Variants in HMGCLL1 observed in about 807,000 individuals in gnomAD.
HMGCLL1 encodes 3-hydroxymethyl-3-methylglutaryl-CoA lyase, cytoplasmic.
In HMGCLL1, 36 loss-of-function variants were observed where a neutral mutation model predicts 39.1. That is an observed-to-expected ratio of 0.92 (90% CI 0.71 to 1.22). HMGCLL1 has a LOEUF of 1.22. HMGCLL1 is among the 50% of genes most tolerant of loss of function. HMGCLL1 has a pLI of 0.00. For synonymous variants in HMGCLL1, 149 were observed against 144.0 expected (o/e 1.03, Z -0.25); for missense variants, 451 against 416.5 (o/e 1.08, Z -0.72).
the HMGCLL1 span, among the ~76,000 whole-genome samples, chr6:55,658,410 C>T: frequency 1.3e-5 from 2 of 152,036 alleles, no homozygotes; most frequent in Middle Eastern, 3.4e-3. Context: ...AAACAACATC[C>T]TCCACCCCCA....
At chr6:55,601,786 T>A in the HMGCLL1 span, among the ~76,000 whole-genome samples, 1 of 152,172 alleles carries the variant, frequency 6.6e-6, no homozygotes, top group South Asian at 2.1e-4. Flanking sequence ...AGCAAATTTC[T>A]TCACTGGTAT....
chr6:55,571,445 T>C (rs894858593), intron 1 of HMGCLL1, among the ~76,000 whole-genome samples: 15 of 152,162 alleles, frequency 9.9e-5, no homozygotes, highest in African/African-American at 3.6e-4. Flanking sequence ...ATAAACAGCC[T>C]TAAAAATAGG....
At chr6:55,460,941 A>T (rs1411727145) in intron 7 of HMGCLL1, among the ~76,000 whole-genome samples, 3 of 152,022 alleles carry the variant, frequency 2.0e-5, no homozygotes, top group Non-Finnish European at 4.4e-5. Flanking sequence ...TAAAGTAAGA[A>T]ATATCTAGGA....
intron 7 of HMGCLL1, among the ~76,000 whole-genome samples, chr6:55,475,868 T>C (rs186029468): frequency 2.6e-5 from 4 of 151,772 alleles, no homozygotes; most frequent in Non-Finnish European, 4.4e-5. Flanking sequence ...CACTGAAGTG[T>C]AGTGATGCTT....
chr6:55,587,801 CAAAG>C, the HMGCLL1 span, among the ~76,000 whole-genome samples: 1 of 152,054 alleles, frequency 6.6e-6, no homozygotes, highest in East Asian at 1.9e-4. Flanking sequence ...TCAAAAGAGA[CAAAG>C]AAGGCCATCA....
chr6:55,520,336 T>C (rs1196150202), intron 3 of HMGCLL1, among the ~76,000 whole-genome samples: 1 of 151,452 alleles, frequency 6.6e-6, no homozygotes, highest in African/African-American at 2.4e-5. Flanking sequence ...TCATGAAAAC[T>C]AAAAATTGAT....
At chr6:55,589,477 T>C in the HMGCLL1 span, among the ~76,000 whole-genome samples, 2 of 152,272 alleles carry the variant, frequency 1.3e-5, no homozygotes, top group South Asian at 2.1e-4. Context: ...AAGCATTCCC[T>C]TTGAAAACTG....
chr6:55,615,896 A>G, the HMGCLL1 span, among the ~76,000 whole-genome samples: 1 of 152,084 alleles, frequency 6.6e-6, no homozygotes, highest in African/African-American at 2.4e-5. Context: ...ATGAATACAG[A>G]AAGTTTAATA....
At chr6:55,588,426 G>T in the HMGCLL1 span, among the ~76,000 whole-genome samples, 10 of 151,834 alleles carry the variant, frequency 6.6e-5, no homozygotes, top group Non-Finnish European at 1.0e-4. Context: ...GAAACTTACA[G>T]CACTAAATGC....
chr6:55,651,214 C>T, the HMGCLL1 span, among the ~76,000 whole-genome samples: 2 of 152,118 alleles, frequency 1.3e-5, no homozygotes, highest in South Asian at 2.1e-4. Context: ...GTTTCACTGG[C>T]GGTAATTCAG....
the HMGCLL1 span, among the ~76,000 whole-genome samples, chr6:55,662,400 C>T: frequency 1.2e-4 from 18 of 151,506 alleles, no homozygotes; most frequent in South Asian, 1.7e-3. Flanking sequence ...AGAGGGCTGT[C>T]GAATTTCACT....
chr6:55,656,325 A>T, the HMGCLL1 span, among the ~76,000 whole-genome samples: 4 of 151,980 alleles, frequency 2.6e-5, no homozygotes, highest in Non-Finnish European at 5.9e-5. Context: ...ACTGCACTCT[A>T]AGAATTATAG....
At chr6:55,619,011 A>G in the HMGCLL1 span, among the ~76,000 whole-genome samples, 1 of 152,208 alleles carries the variant, frequency 6.6e-6, no homozygotes, top group Non-Finnish European at 1.5e-5. Context: ...ACAAGAAAAA[A>G]CAAAAGGAGG....
At chr6:55,598,698 T>C in the HMGCLL1 span, among the ~76,000 whole-genome samples, 1 of 152,202 alleles carries the variant, frequency 6.6e-6, no homozygotes, top group Non-Finnish European at 1.5e-5. Flanking sequence ...TCATTTATTG[T>C]TAGTTTTCAA....
intron 7 of HMGCLL1, among the ~76,000 whole-genome samples, chr6:55,484,394 C>T (rs1765902846): frequency 6.6e-6 from 1 of 152,016 alleles, no homozygotes; most frequent in African/African-American, 2.4e-5. Flanking sequence ...CTTGTACAGT[C>T]TGCTGGATTT....
At chr6:55,556,376 A>G (rs1770666992) in intron 1 of HMGCLL1, among the ~76,000 whole-genome samples, 1 of 152,178 alleles carries the variant, frequency 6.6e-6, no homozygotes, top group Non-Finnish European at 1.5e-5. Flanking sequence ...CTATACAGAC[A>G]TCCTGAGGAA....
chr6:55,570,160 C>T (rs931775137), intron 1 of HMGCLL1, among the ~76,000 whole-genome samples: 8 of 152,206 alleles, frequency 5.3e-5, no homozygotes, highest in Non-Finnish European at 8.8e-5. Context: ...TCCCAAGAAT[C>T]ATCTACTCCT....
At chr6:55,538,978 C>A (rs936004950) in intron 3 of HMGCLL1, among the ~76,000 whole-genome samples, 2 of 152,132 alleles carry the variant, frequency 1.3e-5, no homozygotes, top group Admixed American at 1.3e-4. Flanking sequence ...TCTGTTACTT[C>A]AAATGTAATA....
At chr6:55,676,783 G>T in the HMGCLL1 span, among the ~76,000 whole-genome samples, 1 of 152,296 alleles carries the variant, frequency 6.6e-6, no homozygotes, top group Middle Eastern at 3.4e-3. Context: ...TAATAGCTTG[G>T]TTTTAAGAAT....
Sources: gnomAD v4.1 joint callset for allele counts (sites outside exome capture counted in the v4.1 genomes callset) on GRCh38, gnomAD v4.1.1 for gene constraint, MANE v1.5 for transcripts, NCBI Gene and HGNC (gene_info 2026-07-23, HGNC 2026-07-21) for gene names.